The following TMPO variants were observed in gnomAD, a reference collection of about 807,000 sequenced individuals.
TMPO encodes thymopoietin, also known as LEM domain containing 4.
TMPO carries 22 observed loss-of-function variants against 45.4 expected under a neutral mutation model. The ratio of observed to expected loss-of-function variants is 0.48; its 90% confidence interval spans 0.35 to 0.69. TMPO has a LOEUF of 0.69. Among genes scored for constraint, TMPO ranks in the 30% least tolerant of loss-of-function variants. The probability of loss-of-function intolerance (pLI) is 0.01; values close to 1 mark genes in which losing one functional copy is unlikely to be tolerated. For synonymous variants in TMPO, 241 were observed against 204.1 expected (o/e 1.18, Z -1.54); for missense variants, 512 against 548.8 (o/e 0.93, Z 0.67).
intron 4 of TMPO, among the ~76,000 whole-genome samples, chr12:98,540,463 C>G (rs1000209772): frequency 1.3e-5 from 2 of 152,216 alleles, no homozygotes; most frequent in Non-Finnish European, 2.9e-5. Flanking sequence ...CCCACAACCT[C>G]TGCCTCCCAA....
chr12:98,538,917 T>C (rs1877733456), intron 4 of TMPO, among the ~76,000 whole-genome samples: 1 of 151,786 alleles, frequency 6.6e-6, no homozygotes. Flanking sequence ...AATAAGGAAA[T>C]AGGCCGGGCG....
At chr12:98,536,559 G>T (rs1315660006) in intron 3 of TMPO, among the ~76,000 whole-genome samples, 1 of 152,036 alleles carries the variant, frequency 6.6e-6, no homozygotes, top group Non-Finnish European at 1.5e-5. Context: ...TCACCATGTT[G>T]GCCAGGATGG....
In TMPO at chr12:98,547,231, A is replaced by G. The variant is rs922735784; in HGVS notation, c.1080-342A>G. On this transcript the variant is annotated intron_variant, in intron 8 of 8. Transcript: ENST00000556029. The stretch of plus-strand genomic sequence containing the variant: ...GCTGGGATTACAGGCACCCACCATC[A>G]TGCCCGGCTAATTTTTGTATTTTTG... Among the ~76,000 whole-genome samples the G allele has an allele frequency of 5.3e-4, 81 of 152,114 alleles. 1 individual carries two copies. The highest frequency in any genetic ancestry group is 1.9e-3 in the African/African-American group (79 of 41,482).
intron 1 of TMPO, among the ~76,000 whole-genome samples, chr12:98,523,938 C>T (rs1876570482): frequency 6.6e-6 from 1 of 152,112 alleles, no homozygotes; most frequent in African/African-American, 2.4e-5. Context: ...CTCGGCCTCC[C>T]AAAGTGCTAG....
chr12:98,522,568 T>G (rs911176708), intron 1 of TMPO, among the ~76,000 whole-genome samples: 1 of 152,232 alleles, frequency 6.6e-6, no homozygotes, highest in Non-Finnish European at 1.5e-5. Flanking sequence ...AATAGCTACT[T>G]AATCAGATTG....
chr12:98,546,815 C>T (rs963109740), intron 8 of TMPO, among the ~76,000 whole-genome samples: 2 of 152,168 alleles, frequency 1.3e-5, no homozygotes, highest in African/African-American at 4.8e-5. Flanking sequence ...TTAAATAAAT[C>T]ACTTACTTAC....
In TMPO at chr12:98,538,412, C is replaced by T. The variant is rs573924147; in HGVS notation, c.663+840C>T. ...TGTCACCCGGGCTGGAGTGCAGTGG[C>T]GTGATCCCATCTCATTGCAACCTCC... On this transcript the variant is annotated intron_variant, in intron 4 of 8. Transcript: ENST00000556029. Among the ~76,000 whole-genome samples the T allele has an allele frequency of 2.4e-4, 37 of 152,246 alleles. No homozygotes were observed. In the South Asian group the frequency reaches 7.3e-3, roughly 30 times the overall value.
rs1188381398 is a variant in TMPO at position 98,533,274 on chromosome 12, A to G, written c.565+1436A>G. 4 of 1,614,010 alleles carry G rather than the reference A, an allele frequency of 2.5e-6. No individual in the cohort carries two copies. The highest frequency in any genetic ancestry group is 3.4e-6 in the Non-Finnish European group (4 of 1,180,016). ...GTAGAGAGAAAAGTGGAATTCAACC[A>G]TTATGTCCTGAGAGGTCCCATATTT... On this transcript the variant is annotated intron_variant, in intron 3 of 8. Coordinates refer to ENST00000556029, the MANE Select transcript of TMPO (RefSeq NM_001032283.3).
chr12:98,539,471 CT>C (rs398039980), intron 4 of TMPO, among the ~76,000 whole-genome samples: 25,158 of 123,228 alleles, frequency 0.2, 2,105 homozygotes, highest in Non-Finnish European at 0.28. Flanking sequence ...TTTTAAATTA[CT>C]TTTTTTTTTT....
chr12:98,535,197 A>C (rs993422959), intron 3 of TMPO: 13 of 984,700 alleles, frequency 1.3e-5, no homozygotes, highest in Non-Finnish European at 1.4e-5. Flanking sequence ...GGCCTTTTAA[A>C]AAATAATACT....
chr12:98,545,154 G>C (rs1878157026), intron 7 of TMPO, 93 bp downstream of exon 7: 1 of 838,702 alleles, frequency 1.2e-6, no homozygotes, highest in South Asian at 1.5e-5. Flanking sequence ...TTTTGGAGTG[G>C]GAGGGAGCAG....
intron 3 of TMPO, 115 bp from the exon 4 acceptor site, chr12:98,537,360 A>G: frequency 2.5e-6 from 2 of 785,372 alleles, no homozygotes. Flanking sequence ...TTACCAGTAG[A>G]CTTGTTTTTC....
chr12:98,520,292 T>TCCTTCCTTCCTTCCTTCCTC (rs1876237294), intron 1 of TMPO, among the ~76,000 whole-genome samples: 1 of 148,184 alleles, frequency 6.7e-6, no homozygotes, highest in Non-Finnish European at 1.5e-5. Context: ...CTTCCTTCCT[T>TCCTTCCTTCCTTCCTTCCTC]CCTTCCTTCC....
intron 8 of TMPO, among the ~76,000 whole-genome samples, chr12:98,547,078 CT>C (rs10632560): frequency 1.7e-3 from 244 of 141,648 alleles, no homozygotes; most frequent in East Asian, 4.3e-3. Context: ...ATGCATCGAA[CT>C]TTTTTTTTTT....
intron 7 of TMPO, 88 bp from the exon 8 acceptor site, chr12:98,546,271 T>G: frequency 1.1e-6 from 1 of 886,974 alleles, no homozygotes; most frequent in African/African-American, 1.6e-5. Flanking sequence ...GGCATTTTGT[T>G]CTCTAAAACT....
intron 4 of TMPO, among the ~76,000 whole-genome samples, chr12:98,539,815 G>T (rs896792085): frequency 1.3e-5 from 2 of 152,134 alleles, no homozygotes; most frequent in Non-Finnish European, 2.9e-5. Flanking sequence ...TTTTCCTGGA[G>T]TATATTAAAG....
intron 7 of TMPO, among the ~76,000 whole-genome samples, chr12:98,545,608 T>C (rs1218834199): frequency 1.3e-5 from 2 of 152,242 alleles, no homozygotes; most frequent in Non-Finnish European, 2.9e-5. Context: ...ATTATATTTT[T>C]TTTAATTTGG....
chr12:98,537,134 T>A (rs1565813642), intron 3 of TMPO, among the ~76,000 whole-genome samples: 2 of 152,200 alleles, frequency 1.3e-5, no homozygotes, highest in Non-Finnish European at 2.9e-5. Context: ...AAATGGCCTT[T>A]TTCCACATCT....
chr12:98,528,032 A>G lies in TMPO; in HGVS notation c.406+20A>G. On this transcript the variant is annotated intron_variant, in intron 2 of 8. Coordinates refer to ENST00000556029, the MANE Select transcript of TMPO (RefSeq NM_001032283.3). The stretch of plus-strand genomic sequence containing the variant: ...TTGTGGGTAAGTTGATAAAATTTCA[A>G]ATACAGTATCTTTTCTCTGAAGCAG... 1.2e-6 allele frequency: 2 copies of G among 1,613,616 alleles called. No homozygotes were observed. The highest frequency in any genetic ancestry group is 1.7e-6 in the Non-Finnish European group (2 of 1,179,744).
Sources: gnomAD v4.1 joint callset for allele counts (sites outside exome capture counted in the v4.1 genomes callset) on GRCh38, gnomAD v4.1.1 for gene constraint, MANE v1.5 for transcripts, NCBI Gene and HGNC (gene_info 2026-07-23, HGNC 2026-07-21) for gene names.